The following CFAP92 variants were observed in gnomAD, a reference collection of about 807,000 sequenced individuals.
CFAP92 encodes the protein cilia and flagella associated protein 92 (putative), also known as uncharacterized protein CFAP92.
In CFAP92, 86 loss-of-function variants were observed where a neutral mutation model predicts 106.3. The observed-to-expected ratio is 0.81, with a 90% CI of 0.68 to 0.97. The LOEUF (loss-of-function observed/expected upper bound fraction) is 0.97. CFAP92 is among the 50% of genes least tolerant of loss of function. The pLI is 0.00. For synonymous variants in CFAP92, 477 were observed against 506.4 expected (o/e 0.94, Z 0.78); for missense variants, 1,204 against 1,283.8 (o/e 0.94, Z 0.95).
intron 11 of CFAP92, 93 bp downstream of exon 11, chr3:128,935,032 T>C (rs1295207249): frequency 2.0e-6 from 2 of 1,005,886 alleles, no homozygotes; most frequent in Non-Finnish European, 2.8e-6. Context: ...TATCTAGTTG[T>C]TGGATGCCCC....
chr3:128,953,808 T>G (rs1240820308), intron 9 of CFAP92, among the ~76,000 whole-genome samples: 4 of 122,538 alleles, frequency 3.3e-5, no homozygotes, highest in Non-Finnish European at 6.2e-5. Flanking sequence ...GGTTTCGCTG[T>G]GTTGGCCGGG....
At chr3:128,929,762 C>G (rs1938131043) in intron 12 of CFAP92, among the ~76,000 whole-genome samples, 1 of 152,106 alleles carries the variant, frequency 6.6e-6, no homozygotes, top group Non-Finnish European at 1.5e-5. Flanking sequence ...TTATGTGGGA[C>G]TAAGAATGGA....
At chr3:128,922,918 C>G (rs1559853424) in intron 12 of CFAP92, among the ~76,000 whole-genome samples, 1 of 152,212 alleles carries the variant, frequency 6.6e-6, no homozygotes, top group Non-Finnish European at 1.5e-5. Flanking sequence ...TACTGTTGCA[C>G]AAGAAGGATA....
chr3:128,994,101 G>A (rs1042627613), upstream of CFAP92: 1 of 985,818 alleles, frequency 1.0e-6, no homozygotes, highest in Non-Finnish European at 1.2e-6. Flanking sequence ...CCGGTGCAGG[G>A]AGGGCCGCAG....
At position 128,929,618 on chromosome 3, in the gene CFAP92, G is replaced by A. The variant is rs907663236; in HGVS notation, c.2751+3082C>T. On this transcript the variant is annotated intron_variant, in intron 12 of 15. Transcript: ENST00000645291. ...AAGAACACACCGCTGATATATTCAG[G>A]TACGTGGATGAACCACAGGAACTTT... 5.9e-5 allele frequency among the ~76,000 whole-genome samples: 9 copies of A among 152,210 alleles called. No individual in the cohort carries two copies. In the South Asian group the frequency reaches 1.7e-3, roughly 28 times the overall value.
At chr3:128,944,649 C>T (rs943435436) in intron 10 of CFAP92, among the ~76,000 whole-genome samples, 51 of 152,228 alleles carry the variant, frequency 3.4e-4, no homozygotes, top group African/African-American at 1.2e-3. Context: ...TAATTATTCA[C>T]TTCTAGTGTT....
upstream of CFAP92, among the ~76,000 whole-genome samples, chr3:129,004,433 A>G (rs557515292): frequency 1.3e-3 from 152 of 117,236 alleles, 1 homozygote; most frequent in African/African-American, 4.9e-3. Context: ...CCATCCACCT[A>G]TCCACTCACC....
In CFAP92 at chr3:128,916,250, G is replaced by C; in HGVS notation, c.2773C>G (p.Gln925Glu). ...FIQKNITEAYQVSKKPPKSVA... is the reference protein window; with the variant it reads ...FIQKNITEAYEVSKKPPKSVA... ...GACTTCGGAGGCTTCTTGCTGACCT[G>C]GTAGGCTTCTGTGATATTTTTCTGA... The change falls in exon 13 of 16, where the codon CAG (glutamine) becomes GAG (glutamate). Residue 925 changes from glutamine to glutamate, a missense_variant. Coordinates refer to ENST00000645291, the MANE Select transcript of CFAP92 (RefSeq NM_001394090.1). The C allele has an allele frequency of 1.6e-6, 2 of 1,232,086 alleles. No individual in the cohort carries two copies. The highest frequency in any genetic ancestry group is 8.2e-5 in the South Asian group (2 of 24,306). 76.3% of individuals were successfully genotyped at this position (1,232,086 alleles called of 1,614,324 possible). A position where few individuals can be genotyped will look rare whatever the true frequency, so the allele number is the denominator to read the frequency against.
upstream of CFAP92, chr3:129,003,904 C>T: frequency 1.5e-6 from 2 of 1,349,978 alleles, no homozygotes; most frequent in Non-Finnish European, 9.5e-7. Flanking sequence ...CGGCGGAGGC[C>T]CGCGCTGGGC....
At chr3:128,991,293 T>C (rs1944197763) in intron 2 of CFAP92, among the ~76,000 whole-genome samples, 1 of 152,174 alleles carries the variant, frequency 6.6e-6, no homozygotes, top group Admixed American at 6.5e-5. Flanking sequence ...ATGGTCACCA[T>C]AAAATGACAA....
intron 12 of CFAP92, among the ~76,000 whole-genome samples, chr3:128,925,011 T>A (rs1937558639): frequency 6.6e-6 from 1 of 152,246 alleles, no homozygotes; most frequent in Non-Finnish European, 1.5e-5. Context: ...ACTTGTTTTG[T>A]CTCATTCCTT....
rs1422348468 is a variant in CFAP92 at position 128,915,341 on chromosome 3, G to A, written c.3123+16C>T. On this transcript the variant is annotated intron_variant, in intron 14 of 15. Transcript: ENST00000645291. Reference sequence around the variant, plus strand: ...CTATGGACACCCCACCTGAGACCCTGCTCTTCCCTGTGGACCTCATTCAGC... The same window carrying A: ...CTATGGACACCCCACCTGAGACCCTACTCTTCCCTGTGGACCTCATTCAGC... The A allele has an allele frequency of 1.3e-6, 2 of 1,535,974 alleles. No individual in the cohort carries two copies. The highest frequency in any genetic ancestry group is 2.0e-5 in the Admixed American group (1 of 50,986).
At chr3:128,920,550 A>C (rs1277743364) in intron 12 of CFAP92, among the ~76,000 whole-genome samples, 1 of 152,234 alleles carries the variant, frequency 6.6e-6, no homozygotes, top group Non-Finnish European at 1.5e-5. Flanking sequence ...GGATGGGTTT[A>C]ATTGCAGCTT....
intron 4 of CFAP92, among the ~76,000 whole-genome samples, chr3:128,982,122 A>G (rs1427807935): frequency 6.6e-6 from 1 of 152,148 alleles, no homozygotes; most frequent in Non-Finnish European, 1.5e-5. Flanking sequence ...TCTAGCTATG[A>G]AAGTCCTAGA....
intron 9 of CFAP92, among the ~76,000 whole-genome samples, chr3:128,947,144 T>TC (rs766034444): frequency 2.7e-5 from 4 of 150,608 alleles, no homozygotes; most frequent in Non-Finnish European, 5.9e-5. Context: ...TCCCTAGGTG[T>TC]CCCCCCAGTG....
At chr3:128,933,476 T>C (rs188070903) in intron 11 of CFAP92, among the ~76,000 whole-genome samples, 3 of 152,216 alleles carry the variant, frequency 2.0e-5, no homozygotes, top group African/African-American at 7.2e-5. Context: ...GGGTGCCCTC[T>C]GCCATGGCCT....
chr3:128,920,891 TAGA>T (rs1402732116), intron 12 of CFAP92, among the ~76,000 whole-genome samples: 7 of 152,344 alleles, frequency 4.6e-5, no homozygotes, highest in African/African-American at 1.2e-4. Context: ...TGTCTTAAAC[TAGA>T]AGAATACGTT....
intron 10 of CFAP92, among the ~76,000 whole-genome samples, chr3:128,943,932 T>TG (rs1939938060): frequency 6.7e-6 from 1 of 149,062 alleles, no homozygotes; most frequent in African/African-American, 2.5e-5. Context: ...TTTTTTTTTT[T>TG]TTTTTTTTTT....
chr3:128,989,039 T>C, intron 2 of CFAP92, 121 bp from the exon 3 acceptor site: 1 of 753,714 alleles, frequency 1.3e-6, no homozygotes, highest in Admixed American at 2.6e-5. Flanking sequence ...CCTGCCCGAC[T>C]TGGGGAAGGA....
Sources: allele counts gnomAD v4.1 joint callset (sites outside exome capture counted in the v4.1 genomes callset), GRCh38; gene constraint gnomAD v4.1.1; transcripts MANE v1.5; gene names NCBI Gene and HGNC (gene_info 2026-07-23, HGNC 2026-07-21).